Variants in PCDHA11 observed in about 807,000 individuals in gnomAD.
PCDHA11 encodes the protein protocadherin alpha 11.
A neutral mutation model predicts 70.3 loss-of-function variants in PCDHA11; 61 were observed. The ratio of observed to expected loss-of-function variants is 0.87; its 90% confidence interval spans 0.71 to 1.07. The LOEUF (loss-of-function observed/expected upper bound fraction) is 1.07. Ranked by LOEUF, PCDHA11 falls within the 50% of genes least tolerant of loss-of-function variation. The pLI, the probability that PCDHA11 is intolerant of heterozygous loss-of-function variation, is 0.00. For synonymous variants in PCDHA11, 633 were observed against 555.1 expected, an observed-to-expected ratio of 1.14 and a Z score of -1.97; for missense variants, 1,324 against 1,237.5, an observed-to-expected ratio of 1.07 and a Z score of -1.05.
At chr5:141,004,681 G>A (rs1554259668) in intron 3 of PCDHA11, among the ~76,000 whole-genome samples, 1 of 152,176 alleles carries the variant, frequency 6.6e-6, no homozygotes. Flanking sequence ...CTGTGGAGTG[G>A]TGCTGAAACC....
At chr5:140,914,414 C>A (rs1554196336) in intron 1 of PCDHA11, among the ~76,000 whole-genome samples, 1 of 152,038 alleles carries the variant, frequency 6.6e-6, no homozygotes, top group African/African-American at 2.4e-5. Context: ...GTTTTGTTTC[C>A]ATTAGCAAGG....
At chr5:140,922,369 G>A (rs534587109) in intron 1 of PCDHA11, among the ~76,000 whole-genome samples, 1 of 152,320 alleles carries the variant, frequency 6.6e-6, no homozygotes, top group East Asian at 1.9e-4. Context: ...TTCTCACTGA[G>A]ATGCAAAACC....
chr5:140,896,283 T>TG (rs1440417603), intron 1 of PCDHA11, among the ~76,000 whole-genome samples: 4 of 152,258 alleles, frequency 2.6e-5, no homozygotes, highest in Admixed American at 6.5e-5. Context: ...CTGGCTTGAA[T>TG]GGTAAGTTCT....
Position 140,869,583 on chromosome 5 carries a change from T to G in PCDHA11, c.480T>G (p.Ala160=). 1 of 1,614,152 alleles carries G rather than the reference T, an allele frequency of 6.2e-7. No individual in the cohort carries two copies. The highest frequency in any genetic ancestry group is 8.5e-7 in the Non-Finnish European group (1 of 1,180,034). The change falls in exon 1 of 4, where the codon GCT becomes GCG. Residue 160 remains alanine (A), a synonymous_variant. Transcript: ENST00000398640. ...SRFPLEGASD[A]DIEENALLTY... ...TTCCACTAGAGGGAGCTTCTGATGC[T>G]GACATTGAAGAGAATGCTCTATTGA...
chr5:140,892,261 G>A (rs1221882386), intron 1 of PCDHA11, among the ~76,000 whole-genome samples: 1 of 152,020 alleles, frequency 6.6e-6, no homozygotes, highest in Admixed American at 6.6e-5. Context: ...CTTTGATTTT[G>A]TGCTGAAAGT....
At chr5:140,882,407 C>A (rs368121978) in intron 1 of PCDHA11, 48 of 1,614,006 alleles carry the variant, frequency 3.0e-5, no homozygotes, top group Non-Finnish European at 1.3e-5. Flanking sequence ...CTTCGTGGGC[C>A]GCATCGCTCA....
chr5:140,927,157 G>A (rs868936673), intron 1 of PCDHA11: 2 of 1,614,144 alleles, frequency 1.2e-6, no homozygotes, highest in South Asian at 2.2e-5. Flanking sequence ...GCTGTGCAGG[G>A]CCAAAGCTGC....
intron 1 of PCDHA11, among the ~76,000 whole-genome samples, chr5:140,969,831 G>A (rs559083785): frequency 3.9e-4 from 60 of 152,296 alleles, no homozygotes; most frequent in African/African-American, 1.4e-3. Context: ...TGTCTACAGT[G>A]GAAATTATCT....
chr5:140,950,270 G>A (rs980703743), intron 1 of PCDHA11, among the ~76,000 whole-genome samples: 1 of 151,960 alleles, frequency 6.6e-6, no homozygotes, highest in East Asian at 1.9e-4. Flanking sequence ...TATCCATAAT[G>A]TCTTTTTGCT....
At chr5:140,914,710 G>T (rs879987412) in intron 1 of PCDHA11, among the ~76,000 whole-genome samples, 22 of 151,256 alleles carry the variant, frequency 1.5e-4, no homozygotes, top group Non-Finnish European at 2.4e-4. Flanking sequence ...TTAATTTCTT[G>T]TTTTTTATTT....
intron 1 of PCDHA11, among the ~76,000 whole-genome samples, chr5:140,964,925 T>C (rs1586044682): frequency 6.6e-6 from 1 of 152,148 alleles, no homozygotes; most frequent in African/African-American, 2.4e-5. Flanking sequence ...ACTGGCTAGG[T>C]AGTGGAGCAT....
chr5:140,975,679 A>G (rs1312259048), intron 1 of PCDHA11, among the ~76,000 whole-genome samples: 1 of 152,250 alleles, frequency 6.6e-6, no homozygotes, highest in Non-Finnish European at 1.5e-5. Context: ...TATTAATAAA[A>G]TAGGGTATTT....
Position 140,982,486 on chromosome 5 carries a change from T to C in PCDHA11, c.2462T>C (p.Leu821Pro). ...LRAGMHSSVH[L>P]EEAGILRAGP... Reference sequence around the variant, plus strand: ...GTGTGTTTATTCAGCTCTGTGCACCTAGAGGAGGCTGGCATTCTACGGGCT... The same window carrying C: ...GTGTGTTTATTCAGCTCTGTGCACCCAGAGGAGGCTGGCATTCTACGGGCT... Residue 821 changes from leucine to proline, a missense_variant, in exon 3 of 4, where the codon CTA (leucine) becomes CCA (proline). Physicochemically the swap from Leu to Pro is moderately conservative, Grantham distance 98. Coordinates refer to ENST00000398640, the MANE Select transcript of PCDHA11 (RefSeq NM_018902.5). The C allele has an allele frequency of 6.2e-7, 1 of 1,614,180 alleles. No individual in the cohort carries two copies. Among genetic ancestry groups the C allele is most frequent in the South Asian group, 1.1e-5 (1 of 91,086 alleles).
Position 141,009,839 on chromosome 5 carries a change from A to G in PCDHA11, c.2752A>G (p.Lys918Glu), listed in dbSNP as rs2098414795. 6.2e-7 allele frequency: 1 copy of G among 1,614,164 alleles called. No individual in the cohort carries two copies. Residue 918 changes from lysine (K) to glutamate (E), a missense_variant, in exon 4 of 4, where the codon AAG becomes GAG. Coordinates refer to ENST00000398640, the MANE Select transcript of PCDHA11 (RefSeq NM_018902.5). The part of the protein sequence containing the change: ...DKSDFITFGK[K>E]EETKKKKKKK... ...AAGTGACTTCATAACCTTCGGCAAA[A>G]AGGAGGAGACCAAGAAAAAGAAGAA...
chr5:140,954,225 A>G (rs1554221300), intron 1 of PCDHA11, among the ~76,000 whole-genome samples: 1 of 152,242 alleles, frequency 6.6e-6, no homozygotes, highest in Admixed American at 6.5e-5. Context: ...TGCTATTGTG[A>G]ATAGTGCTGC....
intron 3 of PCDHA11, among the ~76,000 whole-genome samples, chr5:140,982,794 CAT>C (rs1491349118): frequency 4.0e-5 from 6 of 150,946 alleles, no homozygotes; most frequent in Admixed American, 1.3e-4. Context: ...CGCATGTGTG[CAT>C]GTGTGTGTGT....
intron 1 of PCDHA11, among the ~76,000 whole-genome samples, chr5:140,893,800 T>C (rs1483033571): frequency 6.6e-6 from 1 of 152,174 alleles, no homozygotes; most frequent in Non-Finnish European, 1.5e-5. Flanking sequence ...ATTCCCTCCT[T>C]GTCTTGAGTC....
At chr5:140,960,380 A>G (rs2095544105) in intron 1 of PCDHA11, among the ~76,000 whole-genome samples, 2 of 152,200 alleles carry the variant, frequency 1.3e-5, no homozygotes, top group African/African-American at 4.8e-5. Flanking sequence ...TTAAGTGCCA[A>G]GACATTAGGA....
chr5:140,872,703 G>C (rs1582092486), intron 1 of PCDHA11, among the ~76,000 whole-genome samples: 1 of 152,114 alleles, frequency 6.6e-6, no homozygotes, highest in Admixed American at 6.5e-5. Context: ...TGATTCCAAA[G>C]GAAACTAGGT....
Sources: gnomAD v4.1 joint callset for allele counts (sites outside exome capture counted in the v4.1 genomes callset) on GRCh38, gnomAD v4.1.1 for gene constraint, MANE v1.5 for transcripts, NCBI Gene and HGNC (gene_info 2026-07-23, HGNC 2026-07-21) for gene names.